The following SLC25A29 variants were observed in gnomAD, a reference collection of about 807,000 sequenced individuals.
SLC25A29 encodes the protein mitochondrial basic amino acids transporter.
SLC25A29 carries 13 observed loss-of-function variants against 10.0 expected under a neutral mutation model. The observed-to-expected ratio is 1.30, with a 90% confidence interval of 0.85 to 2.07. SLC25A29 has a LOEUF of 2.07. Ranked by LOEUF, SLC25A29 falls within the 30% of genes most tolerant of loss-of-function variation. SLC25A29 has a pLI of 0.00. For synonymous variants in SLC25A29, 244 were observed against 221.1 expected, an observed-to-expected ratio of 1.10 and a Z score of -0.92; for missense variants, 475 against 447.6, an observed-to-expected ratio of 1.06 and a Z score of -0.55.
At chr14:100,301,635 G>A (rs879369182) in intron 1 of SLC25A29, among the ~76,000 whole-genome samples, 19 of 151,826 alleles carry the variant, frequency 1.3e-4, no homozygotes, top group Admixed American at 5.9e-4. Flanking sequence ...TCAGCCTCCC[G>A]AGTAGATGGG....
intron 2 of SLC25A29, among the ~76,000 whole-genome samples, chr14:100,297,435 T>A (rs1026351388): frequency 2.6e-5 from 4 of 152,022 alleles, no homozygotes; most frequent in Admixed American, 2.0e-4. Context: ...AATTCATAGC[T>A]CAGAGAGCCC....
At chr14:100,289,101 C>G (rs1193748245), downstream of SLC25A29, among the ~76,000 whole-genome samples, 1 of 152,202 alleles carries the variant, frequency 6.6e-6, no homozygotes, top group African/African-American at 2.4e-5. Context: ...GGATTGCCAG[C>G]TGCCCCCAGA....
At chr14:100,305,424 G>A (rs1464946273) in intron 1 of SLC25A29, 1 of 148,926 alleles carries the variant, frequency 6.7e-6, no homozygotes, top group Non-Finnish European at 1.5e-5. Flanking sequence ...TCTAAATCCT[G>A]GTGAATAAAT....
the SLC25A29 span, chr14:100,282,749 T>C: frequency 6.6e-6 from 1 of 152,268 alleles, no homozygotes; most frequent in African/African-American, 2.4e-5. Context: ...ATGTGTAATA[T>C]GGCTCTATAC....
chr14:100,305,497 C>T (rs892745316), intron 1 of SLC25A29: 6 of 152,354 alleles, frequency 3.9e-5, no homozygotes, highest in East Asian at 1.9e-4. Flanking sequence ...GCCCGACGCC[C>T]ACGGTCGGGG....
rs1231725314 is a variant in SLC25A29 at position 100,292,817 on chromosome 14, G to A, written c.378C>T (p.Gly126=). The A allele has an allele frequency of 1.9e-6, 3 of 1,590,750 alleles. No homozygotes were observed. The South Asian group carries it at 3.4e-5, about 18-fold the overall frequency. ...GCGAGCCCTTGTAGGTGCGCGCTGG[G>A]CCCGCGTCCTGCAGCTGCAGCCGCG... ...AKTRLQLQDA[G]PARTYKGSLD... is the part of the protein sequence containing the mutation. The change falls in exon 4 of 4, where the codon GGC becomes GGT. Residue 126 remains glycine (G), a synonymous_variant. Coordinates refer to ENST00000359232, the MANE Select transcript of SLC25A29 (RefSeq NM_001039355.3).
chr14:100,293,059 C>T, intron 3 of SLC25A29, 27 bp from the exon 4 acceptor site: 2 of 1,502,662 alleles, frequency 1.3e-6, no homozygotes, highest in Non-Finnish European at 1.8e-6. Context: ...GCCATCAGAG[C>T]CGGCAACGCG....
downstream of SLC25A29, among the ~76,000 whole-genome samples, chr14:100,286,557 G>A (rs1301755631): frequency 6.6e-6 from 1 of 152,056 alleles, no homozygotes; most frequent in African/African-American, 2.4e-5. Context: ...TCGGAGGAGA[G>A]CAAGGCTGAG....
chr14:100,293,508 T>C, intron 2 of SLC25A29, 131 bp from the exon 3 acceptor site: 1 of 721,178 alleles, frequency 1.4e-6, no homozygotes, highest in South Asian at 1.8e-5. Context: ...AAGACTTTTG[T>C]AATTCCAGGG....
Position 100,292,651 on chromosome 14 carries a change from C to A in SLC25A29, c.544G>T (p.Glu182Ter), listed in dbSNP as rs201103245. 6.3e-7 allele frequency: 1 copy of A among 1,596,292 alleles called. No homozygotes were observed. Among genetic ancestry groups the A allele is most frequent in the South Asian group, 1.1e-5 (1 of 88,800 alleles). Residue 182 changes from glutamate (E) to a stop codon, truncating the protein, a stop_gained, in exon 4 of 4, where the codon GAG becomes TAG. Transcript: ENST00000359232. LOFTEE classifies it low-confidence loss of function (END_TRUNC). ...YDALTRALGC[E>*]PGDRLLVPKL... ...GGCACCAGCAGGCGGTCGCCCGGCT[C>A]GCAGCCCAGCGCCCGCGTGAGAGCG...
At chr14:100,295,542 T>C (rs1892083844) in intron 2 of SLC25A29, 3 of 1,247,876 alleles carry the variant, frequency 2.4e-6, no homozygotes, top group Non-Finnish European at 3.1e-6. Flanking sequence ...TGTCCCCTGC[T>C]ACGGAGGGAA....
chr14:100,293,157 G>A, intron 3 of SLC25A29, 125 bp from the exon 4 acceptor site: 1 of 1,450,956 alleles, frequency 6.9e-7, no homozygotes, highest in South Asian at 1.4e-5. Context: ...GCAGAATTTC[G>A]TTAGAACCTA....
the SLC25A29 span, among the ~76,000 whole-genome samples, chr14:100,285,638 C>G: frequency 6.6e-6 from 1 of 151,980 alleles, no homozygotes; most frequent in African/African-American, 2.4e-5. Context: ...AGATTCAGAG[C>G]CCGAGAAACG....
intron 1 of SLC25A29, among the ~76,000 whole-genome samples, chr14:100,304,097 G>A (rs1464540753): frequency 2.0e-5 from 3 of 152,144 alleles, no homozygotes; most frequent in Non-Finnish European, 4.4e-5. Flanking sequence ...CACACTAGGC[G>A]AATAGTAGGG....
intron 1 of SLC25A29, among the ~76,000 whole-genome samples, chr14:100,303,852 C>T (rs1444203084): frequency 6.6e-6 from 1 of 152,148 alleles, no homozygotes. Context: ...GAAGAGGCAC[C>T]CTTCCCTCTT....
downstream of SLC25A29, among the ~76,000 whole-genome samples, chr14:100,288,198 G>T (rs1489443994): frequency 6.6e-6 from 1 of 151,778 alleles, no homozygotes; most frequent in African/African-American, 2.4e-5. Flanking sequence ...CCTGGCCAAC[G>T]TGGTGAAACC....
downstream of SLC25A29, among the ~76,000 whole-genome samples, chr14:100,288,636 C>T (rs886569184): frequency 5.3e-5 from 8 of 151,362 alleles, no homozygotes; most frequent in Non-Finnish European, 8.8e-5. Flanking sequence ...TACATCTGCC[C>T]TTCCAGCTAC....
At chr14:100,283,248 T>C in the SLC25A29 span, among the ~76,000 whole-genome samples, 2 of 152,218 alleles carry the variant, frequency 1.3e-5, no homozygotes, top group Non-Finnish European at 2.9e-5. Flanking sequence ...GTGTCTGATG[T>C]TCTGCAGAGC....
chr14:100,300,287 G>T (rs1892456180), intron 1 of SLC25A29, among the ~76,000 whole-genome samples: 1 of 152,072 alleles, frequency 6.6e-6, no homozygotes, highest in South Asian at 2.1e-4. Flanking sequence ...AAAAAAGTTT[G>T]GACCCTAAAA....
Sources: gnomAD v4.1 joint callset for allele counts (sites outside exome capture counted in the v4.1 genomes callset) on GRCh38, gnomAD v4.1.1 for gene constraint, MANE v1.5 for transcripts, NCBI Gene and HGNC (gene_info 2026-07-23, HGNC 2026-07-21) for gene names.